Variants in FBXO10 observed in about 807,000 individuals in gnomAD.
FBXO10 encodes the protein F-box protein 10, also known as F-box only protein 10.
Under a neutral mutation model 80.7 loss-of-function variants are expected in FBXO10, and 39 were observed. The ratio of observed to expected loss-of-function variants is 0.48; its 90% CI spans 0.37 to 0.63. The LOEUF is 0.63. Ranked by LOEUF, FBXO10 falls within the 30% of genes least tolerant of loss-of-function variation. The probability of loss-of-function intolerance (pLI) is 0.00; values close to 1 mark genes in which losing one functional copy is unlikely to be tolerated. For synonymous variants in FBXO10, 449 were observed against 489.6 expected (o/e 0.92, Z 1.09); for missense variants, 1,025 against 1,269.0 (o/e 0.81, Z 2.92).
intron 5 of FBXO10, among the ~76,000 whole-genome samples, chr9:37,525,922 G>C (rs899624477): frequency 1.5e-4 from 23 of 152,180 alleles, no homozygotes; most frequent in African/African-American, 5.5e-4. Context: ...TTCTCGCTAT[G>C]TTGCTCAGGC....
chr9:37,522,805 G>C lies in FBXO10; in HGVS notation c.1930+20C>G. ...CTGGGCTTCCTGCCTCCCCGGCTGGGTTGGGAACAAGCTCCTCACCGTAGA... is the reference window on the plus strand; with the variant it reads ...CTGGGCTTCCTGCCTCCCCGGCTGGCTTGGGAACAAGCTCCTCACCGTAGA... On this transcript the variant is annotated intron_variant, in intron 7 of 10. Transcript: ENST00000432825. 6.4e-7 allele frequency: 1 copy of C among 1,551,358 alleles called. No individual in the cohort carries two copies. Among genetic ancestry groups the C allele is most frequent in the East Asian group, 2.4e-5 (1 of 40,898 alleles).
chr9:37,517,951 C>T (rs897397284), intron 9 of FBXO10, among the ~76,000 whole-genome samples, 174 bp downstream of exon 9: 1 of 150,356 alleles, frequency 6.7e-6, no homozygotes, highest in Non-Finnish European at 1.5e-5. Context: ...GCTTCTCCGT[C>T]CCCCCCTGTG....
intron 1 of FBXO10, among the ~76,000 whole-genome samples, chr9:37,567,331 G>A (rs1374374828): frequency 6.8e-6 from 1 of 146,972 alleles, no homozygotes; most frequent in Non-Finnish European, 1.5e-5. Context: ...TTTTTTTAGA[G>A]ATGAGGTCTC....
chr9:37,546,648 A>G (rs1588847070), intron 1 of FBXO10, among the ~76,000 whole-genome samples: 1 of 152,202 alleles, frequency 6.6e-6, no homozygotes, highest in East Asian at 1.9e-4. Flanking sequence ...GTGAAACACA[A>G]AACAAAGTTG....
intron 9 of FBXO10, among the ~76,000 whole-genome samples, chr9:37,517,311 A>G (rs1164618106): frequency 1.3e-5 from 2 of 152,162 alleles, no homozygotes; most frequent in Non-Finnish European, 2.9e-5. Context: ...TCACCACTAA[A>G]GAACTTATCC....
At chr9:37,518,499 C>A in intron 8 of FBXO10, 61 bp from the exon 9 acceptor site, 1 of 1,411,650 alleles carries the variant, frequency 7.1e-7, no homozygotes, top group Non-Finnish European at 9.5e-7. Flanking sequence ...CACCACCAGT[C>A]AGGAAAAGCC....
At chr9:37,518,098 A>T (rs768977160) in intron 9 of FBXO10, 27 bp downstream of exon 9, 1 of 1,587,798 alleles carries the variant, frequency 6.3e-7, no homozygotes, top group African/African-American at 1.3e-5. Context: ...TGGGCACCAC[A>T]CGTCACACAC....
In FBXO10 at chr9:37,541,700, C is replaced by G. The variant is rs1174197103; in HGVS notation, c.69G>C (p.Leu23=). The G allele has an allele frequency of 1.9e-6, 3 of 1,613,732 alleles. No homozygotes were observed. In the Admixed American group the frequency reaches 5.0e-5, roughly 27 times the overall value. ...MILAYLHLPD[L]GRCSLVCRAW... is the part of the protein sequence containing the mutation. Reference sequence around the variant, plus strand: ...CCCTGCATACCAGGCTGCAGCGGCCCAGGTCGGGAAGGTGCAAGTAGGCTA... The same window carrying G: ...CCCTGCATACCAGGCTGCAGCGGCCGAGGTCGGGAAGGTGCAAGTAGGCTA... Residue 23 remains leucine (L), a synonymous_variant, in exon 2 of 11, where the codon CTG becomes CTC. Transcript: ENST00000432825.
At chr9:37,532,220 G>A (rs1821645580) in intron 3 of FBXO10, among the ~76,000 whole-genome samples, 162 bp from the exon 4 acceptor site, 1 of 151,938 alleles carries the variant, frequency 6.6e-6, no homozygotes, top group African/African-American at 2.4e-5. Flanking sequence ...CCCACTGTGT[G>A]CTCCCAGGAC....
At chr9:37,523,649 C>A (rs188783357) in intron 6 of FBXO10, among the ~76,000 whole-genome samples, 119 of 152,108 alleles carry the variant, frequency 7.8e-4, no homozygotes, top group African/African-American at 2.4e-3. Context: ...AGGCCGGGTG[C>A]GGTGGCTCAC....
At position 37,537,589 on chromosome 9, in the gene FBXO10, C is replaced by A; in HGVS notation, c.940G>T (p.Glu314Ter). 1 of 1,613,798 alleles carries A rather than the reference C, an allele frequency of 6.2e-7. No individual in the cohort carries two copies. Among genetic ancestry groups the A allele is most frequent in the Non-Finnish European group, 8.5e-7 (1 of 1,179,824 alleles). ...GGGCTGGTAGGGCTCTGGCTGCCCT[C>A]GATAACAATGTCACAGGTCTTTGGG... ...WSPKTCDIVIEGSQSPTSPAS... is the reference protein window; with the variant it reads ...WSPKTCDIVI The change falls in exon 3 of 11, where the codon GAG becomes TAG. Residue 314 changes from glutamate to a stop codon, truncating the protein, a stop_gained. Coordinates refer to ENST00000432825, the MANE Select transcript of FBXO10 (RefSeq NM_012166.3). LOFTEE classifies it high-confidence loss of function.
intron 1 of FBXO10, among the ~76,000 whole-genome samples, chr9:37,575,302 G>A (rs1473692654): frequency 6.6e-6 from 1 of 152,170 alleles, no homozygotes; most frequent in African/African-American, 2.4e-5. Flanking sequence ...GGCCCAGAAT[G>A]AGAAAAAGAA....
chr9:37,559,470 T>C (rs978248024), intron 1 of FBXO10, among the ~76,000 whole-genome samples: 4 of 152,198 alleles, frequency 2.6e-5, no homozygotes, highest in African/African-American at 9.6e-5. Flanking sequence ...GGGCCTCAGG[T>C]TCCTCATATA....
chr9:37,569,137 C>G (rs1295118629), intron 1 of FBXO10, among the ~76,000 whole-genome samples: 1 of 151,500 alleles, frequency 6.6e-6, no homozygotes, highest in African/African-American at 2.4e-5. Context: ...AAACCAAAAC[C>G]CAATTATATG....
At position 37,532,046 on chromosome 9, in the gene FBXO10, T is replaced by G; in HGVS notation, c.1432A>C (p.Arg478=). The change falls in exon 4 of 11, where the codon AGG becomes CGG. Residue 478 remains arginine (R), a synonymous_variant. Transcript: ENST00000432825. ...CIHNSKIIML[R]NDIYRCRASG... is the part of the protein sequence containing the mutation. ...GCTCGGCAGCGGTAAATGTCGTTCC[T>G]GAGCATGATGATCTAAGCAGAAAAG... The G allele has an allele frequency of 1.2e-6, 2 of 1,613,522 alleles. No individual in the cohort carries two copies. The highest frequency in any genetic ancestry group is 1.7e-6 in the Non-Finnish European group (2 of 1,179,592).
intron 10 of FBXO10, among the ~76,000 whole-genome samples, chr9:37,513,503 T>C (rs1205851265): frequency 6.6e-6 from 1 of 152,196 alleles, no homozygotes; most frequent in African/African-American, 2.4e-5. Flanking sequence ...CTCCAGCATG[T>C]TAGGCTAAGT....
rs1302235254 is a variant in FBXO10 at position 37,525,104 on chromosome 9, G to C, written c.1775C>G (p.Thr592Arg). The C allele has an allele frequency of 1.0e-5, 16 of 1,559,950 alleles. No homozygotes were observed. In the African/African-American group the frequency reaches 1.4e-4, roughly 13 times the overall value. Residue 592 changes from threonine to arginine, a missense_variant and splice_region_variant, in exon 6 of 11, where the codon ACA becomes AGA. Thr to Arg is a moderately conservative substitution (Grantham distance 71, BLOSUM62 -1). Transcript: ENST00000432825. ...TGCCAGGCAGTTCCCATCCGTACCT[G>C]TGATGAGGCCTTTGCCGTTCTCATT... ...AVNENGKGLI[T>R]ENVIRENQWG...
intron 1 of FBXO10, among the ~76,000 whole-genome samples, chr9:37,553,031 T>A (rs1053440079): frequency 1.3e-5 from 2 of 150,606 alleles, no homozygotes; most frequent in African/African-American, 5.0e-5. Flanking sequence ...TGTGTGTGTG[T>A]GTGTGTGTGT....
intron 8 of FBXO10, among the ~76,000 whole-genome samples, chr9:37,521,047 T>C (rs776917204): frequency 1.3e-5 from 2 of 152,174 alleles, no homozygotes; most frequent in Non-Finnish European, 2.9e-5. Flanking sequence ...CAAGTTAGTT[T>C]GGGACGTGTG....
Sources: allele counts gnomAD v4.1 joint callset (sites outside exome capture counted in the v4.1 genomes callset), GRCh38; gene constraint gnomAD v4.1.1; transcripts MANE v1.5; gene names NCBI Gene and HGNC (gene_info 2026-07-23, HGNC 2026-07-21).